The following DNAJC10 variants were observed in gnomAD, a reference collection of about 807,000 sequenced individuals.
DNAJC10 encodes DnaJ heat shock protein family (Hsp40) member C10.
Under a neutral mutation model 115.0 loss-of-function variants are expected in DNAJC10, and 101 were observed. The observed-to-expected ratio is 0.88, with a 90% CI of 0.75 to 1.04. The LOEUF (loss-of-function observed/expected upper bound fraction) is 1.04, where lower values mean the gene tolerates loss of function less well. Ranked by LOEUF, DNAJC10 falls within the 50% of genes least tolerant of loss-of-function variation. DNAJC10 has a pLI of 0.00. For missense variants in DNAJC10, 981 were observed against 928.8 expected (o/e 1.06, Z -0.73); for synonymous variants, 307 against 301.5 (o/e 1.02, Z -0.19).
At chr2:182,757,345 C>G (rs1416977765) in intron 18 of DNAJC10, among the ~76,000 whole-genome samples, 2 of 152,096 alleles carry the variant, frequency 1.3e-5, no homozygotes, top group Non-Finnish European at 2.9e-5. Context: ...CATTAGACAC[C>G]TACAAAGCTT....
chr2:182,755,247 T>A, intron 17 of DNAJC10, 143 bp downstream of exon 17: 1 of 633,516 alleles, frequency 1.6e-6, no homozygotes, highest in South Asian at 2.0e-5. Context: ...AGAATTTTTC[T>A]AATGTTTTAC....
At chr2:182,731,333 A>G (rs1469270675) in intron 9 of DNAJC10, among the ~76,000 whole-genome samples, 7 of 152,108 alleles carry the variant, frequency 4.6e-5, no homozygotes, top group Non-Finnish European at 1.0e-4. Context: ...TCAGTGGACC[A>G]GTTTTTCAGC....
In DNAJC10 at chr2:182,754,966, C is replaced by G. The variant is rs1424577999; in HGVS notation, c.1552-37C>G. The G allele has an allele frequency of 2.8e-6, 4 of 1,434,872 alleles. No homozygotes were observed. In the South Asian group the frequency reaches 4.7e-5, roughly 17 times the overall value. The allele number at this position is 1,434,872 out of a possible 1,614,324, so 88.9% of individuals were successfully genotyped here. A position where few individuals can be genotyped will look rare whatever the true frequency, so the allele number is the denominator to read the frequency against. Reference sequence around the variant, plus strand: ...TAAATTTGTAACAAATAGGTGAAATCTATAAAATCTTTAATTCATATTCTC... The same window carrying G: ...TAAATTTGTAACAAATAGGTGAAATGTATAAAATCTTTAATTCATATTCTC... On this transcript the variant is annotated intron_variant, in intron 16 of 23. Transcript: ENST00000264065.
chr2:182,745,808 T>A (rs2105654916), intron 14 of DNAJC10, among the ~76,000 whole-genome samples: 1 of 152,194 alleles, frequency 6.6e-6, no homozygotes, highest in South Asian at 2.1e-4. Flanking sequence ...TACATATGTA[T>A]ACATGTGCCA....
Position 182,718,091 on chromosome 2 carries a change from G to A in DNAJC10, c.5G>A (p.Gly2Glu). The change falls in exon 3 of 24, where the codon GGA becomes GAA. Residue 2 changes from glycine to glutamate, a missense_variant. Transcript: ENST00000264065. Reference sequence around the variant, plus strand: ...AGAACTTGCATAAGAAAGAGAATGGGAGTCTGGTTAAATAAAGATGACTAT... The same window carrying A: ...AGAACTTGCATAAGAAAGAGAATGGAAGTCTGGTTAAATAAAGATGACTAT... M[G>E]VWLNKDDYIR... is the part of the protein sequence containing the mutation. 6.3e-7 allele frequency: 1 copy of A among 1,597,206 alleles called. No individual in the cohort carries two copies. The highest frequency in any genetic ancestry group is 1.1e-5 in the South Asian group (1 of 87,952).
In DNAJC10 at chr2:182,782,308, C is replaced by T. The variant is rs917425349; in HGVS notation, c.*5176C>T. The T allele has an allele frequency of 1.3e-5, 2 of 152,044 alleles. No homozygotes were observed. The highest frequency in any genetic ancestry group is 3.9e-4 in the East Asian group (2 of 5,190). 9.4% of individuals were successfully genotyped at this position (152,044 alleles called of 1,614,324 possible). A position where few individuals can be genotyped will look rare whatever the true frequency, so the allele number is the denominator to read the frequency against. On this transcript the variant is annotated 3_prime_UTR_variant, in exon 24 of 24. Coordinates refer to ENST00000264065, the MANE Select transcript of DNAJC10 (RefSeq NM_018981.4). ...TGTGTTCTGTTCCATTGGTCTATAG[C>T]TCTGTTTTGGTACCAGTACCATGCT...
At chr2:182,763,414 G>T (rs767139642) in intron 22 of DNAJC10, among the ~76,000 whole-genome samples, 1 of 152,002 alleles carries the variant, frequency 6.6e-6, no homozygotes, top group Non-Finnish European at 1.5e-5. Context: ...CCAGCTGAAC[G>T]GGGGCAAGAT....
At position 182,790,645 on chromosome 2, in the gene DNAJC10, C is replaced by T. The variant is rs1283620989; in HGVS notation, c.*13513C>T. On this transcript the variant is annotated 3_prime_UTR_variant, in exon 24 of 24. Transcript: ENST00000264065. Reference sequence around the variant, plus strand: ...TACTAAAAATACAAAAAAAAATGGCCAGGCGTGGTGGTGCACGCCTGTAAT... The same window carrying T: ...TACTAAAAATACAAAAAAAAATGGCTAGGCGTGGTGGTGCACGCCTGTAAT... The T allele has an allele frequency of 4.0e-5, 6 of 151,780 alleles. No individual in the cohort carries two copies. Among genetic ancestry groups the T allele is most frequent in the African/African-American group, 1.2e-4 (5 of 41,318 alleles). 9.4% of individuals were successfully genotyped at this position (151,780 alleles called of 1,614,324 possible).
intron 5 of DNAJC10, among the ~76,000 whole-genome samples, chr2:182,727,390 A>G (rs552318038): frequency 8.9e-4 from 136 of 152,218 alleles, no homozygotes; most frequent in Non-Finnish European, 1.3e-3. Flanking sequence ...TATAGCTGAT[A>G]AGATAATCCC....
intron 6 of DNAJC10, 75 bp downstream of exon 6, chr2:182,728,733 TC>T: frequency 7.4e-7 from 1 of 1,342,294 alleles, no homozygotes; most frequent in African/African-American, 1.4e-5. Context: ...AATTTTTTTT[TC>T]TATGAATAGT....
chr2:182,777,311 A>G lies in DNAJC10; in HGVS notation c.*179A>G, dbSNP rs1694731736. 2.5e-6 allele frequency: 1 copy of G among 393,660 alleles called. No individual in the cohort carries two copies. 24.4% of individuals were successfully genotyped at this position (393,660 alleles called of 1,614,324 possible). A position where few individuals can be genotyped will look rare whatever the true frequency, so the allele number is the denominator to read the frequency against. On this transcript the variant is annotated 3_prime_UTR_variant, in exon 24 of 24. Coordinates refer to ENST00000264065, the MANE Select transcript of DNAJC10 (RefSeq NM_018981.4). ...AGAAGGGTCTGCAAACTTTTTCTGT[A>G]AAGGGCCGGTTTATAAATATTTTAG...
intron 1 of DNAJC10, among the ~76,000 whole-genome samples, 175 bp from the exon 2 acceptor site, chr2:182,716,841 C>T (rs1693006120): frequency 6.6e-6 from 1 of 152,210 alleles, no homozygotes; most frequent in Non-Finnish European, 1.5e-5. Flanking sequence ...CTGGCGCTTC[C>T]ACCTGCCCGG....
intron 11 of DNAJC10, chr2:182,739,571 C>CAG (rs375441171): frequency 3.7e-5 from 45 of 1,220,382 alleles, no homozygotes; most frequent in Middle Eastern, 2.2e-4. Flanking sequence ...ATCAGACCAG[C>CAG]AGAGAGAGAG....
Position 182,717,998 on chromosome 2 carries a change from CAG to C in DNAJC10, c.-87_-86del, listed in dbSNP as rs1693039614. The stretch of plus-strand genomic sequence containing the variant: ...TGATTCACCCTTGAAGTAATGTAGA[CAG>C]AAGTTCTCAAATTTGCATATTACAT... On this transcript the variant is annotated 5_prime_UTR_variant, in exon 3 of 24. Coordinates refer to ENST00000264065, the MANE Select transcript of DNAJC10 (RefSeq NM_018981.4). 1.1e-6 allele frequency: 1 copy of C among 913,322 alleles called. No individual in the cohort carries two copies. 56.6% of individuals were successfully genotyped at this position (913,322 alleles called of 1,614,324 possible).
At chr2:182,766,356 T>C (rs753791237) in intron 22 of DNAJC10, among the ~76,000 whole-genome samples, 1 of 152,060 alleles carries the variant, frequency 6.6e-6, no homozygotes, top group Non-Finnish European at 1.5e-5. Flanking sequence ...GTAAAGAGGG[T>C]GATGATGGGA....
At position 182,741,381 on chromosome 2, in the gene DNAJC10, C is replaced by G. The variant is rs562375817; in HGVS notation, c.1191+25C>G. ...AGTAAGAAAAATGTATTCTGCCTAG[C>G]CTTCTGCTGGTGTACTTTGTTGTTA... is the stretch of plus-strand genomic sequence containing the variant. On this transcript the variant is annotated intron_variant, in intron 13 of 23. Coordinates refer to ENST00000264065, the MANE Select transcript of DNAJC10 (RefSeq NM_018981.4). The G allele has an allele frequency of 1.2e-4, 141 of 1,211,402 alleles. 1 individual carries two copies. In the South Asian group the frequency reaches 1.5e-3, roughly 13 times the overall value. The allele number at this position is 1,211,402 out of a possible 1,614,324, so 75.0% of individuals were successfully genotyped here.
chr2:182,762,902 AT>A, intron 22 of DNAJC10, 101 bp downstream of exon 22: 11 of 1,275,328 alleles, frequency 8.6e-6, no homozygotes, highest in South Asian at 3.3e-5. Context: ...CATCCTTGTC[AT>A]TTTTTTATAT....
rs1307967378 is a variant in DNAJC10, at chr2:182,729,922, A to C, written c.708A>C (p.Thr236=). The part of the protein sequence containing the change: ...VSFAMQHVRS[T]VTELWTGNFV... ...TTGCAATGCAGCATGTTAGAAGTAC[A>C]GTGACAGAACTTTGGACAGGTAATT... is the stretch of plus-strand genomic sequence containing the variant. The change falls in exon 8 of 24, where the codon ACA becomes ACC. Residue 236 remains threonine (T), a synonymous_variant. Transcript: ENST00000264065. 6.2e-7 allele frequency: 1 copy of C among 1,606,374 alleles called. No individual in the cohort carries two copies. The highest frequency in any genetic ancestry group is 1.7e-5 in the Admixed American group (1 of 59,006).
intron 18 of DNAJC10, among the ~76,000 whole-genome samples, chr2:182,757,265 C>T (rs1414023623): frequency 6.6e-6 from 1 of 152,102 alleles, no homozygotes; most frequent in Non-Finnish European, 1.5e-5. Context: ...AGTATCTTAA[C>T]ATTTAGGATT....
Sources: gnomAD v4.1 joint callset for allele counts (sites outside exome capture counted in the v4.1 genomes callset) on GRCh38, gnomAD v4.1.1 for gene constraint, MANE v1.5 for transcripts, NCBI Gene and HGNC (gene_info 2026-07-23, HGNC 2026-07-21) for gene names.